The following OSBPL10 variants were observed in gnomAD, a reference collection of about 807,000 sequenced individuals.
The protein encoded by OSBPL10 is oxysterol binding protein like 10, also known as oxysterol-binding protein-related protein 10.
Under a neutral mutation model 81.7 loss-of-function variants are expected in OSBPL10, and 49 were observed. The ratio of observed to expected loss-of-function variants is 0.60; its 90% CI spans 0.48 to 0.76. The LOEUF is 0.76. OSBPL10 is among the 30% of genes least tolerant of loss of function. The probability of loss-of-function intolerance (pLI) is 0.00; values close to 1 mark genes in which losing one functional copy is unlikely to be tolerated. For missense variants in OSBPL10, 923 were observed against 987.8 expected (o/e 0.93, Z 0.88); for synonymous variants, 419 against 383.6 (o/e 1.09, Z -1.08).
intron 1 of OSBPL10, among the ~76,000 whole-genome samples, chr3:31,882,349 C>T (rs571314221): frequency 6.6e-6 from 1 of 152,156 alleles, no homozygotes; most frequent in African/African-American, 2.4e-5. Context: ...TAAACGAAGA[C>T]GCAAAAATGT....
chr3:32,043,787 T>C lies in OSBPL10; in HGVS notation n.298+2704A>G, dbSNP rs151254691. Among the ~76,000 whole-genome samples the C allele has an allele frequency of 6.2e-3, 947 of 152,324 alleles. 14 individuals carry two copies. The highest frequency in any genetic ancestry group is 0.022 in the African/African-American group (918 of 41,568). On this transcript the variant is annotated intron_variant and non_coding_transcript_variant, in intron 2 of 3. Transcript: ENST00000479173. ...GCAGCATGGATGCAGCTGGAGGCCA[T>C]TATCCTAAGTGAATTAATGTAGGAA...
intron 1 of OSBPL10, among the ~76,000 whole-genome samples, chr3:31,939,074 T>C (rs946461707): frequency 1.3e-5 from 2 of 151,588 alleles, no homozygotes; most frequent in African/African-American, 2.4e-5. Flanking sequence ...TTTGCTCTAC[T>C]ACATTAATGC....
At chr3:31,775,236 C>T (rs1173431566) in intron 4 of OSBPL10, among the ~76,000 whole-genome samples, 2 of 152,110 alleles carry the variant, frequency 1.3e-5, no homozygotes, top group African/African-American at 2.4e-5. Flanking sequence ...AAAGAGTTTG[C>T]CCCGTGAGTA....
chr3:31,737,205 A>C (rs1257976307), intron 5 of OSBPL10, among the ~76,000 whole-genome samples: 1 of 152,220 alleles, frequency 6.6e-6, no homozygotes, highest in African/African-American at 2.4e-5. Context: ...AAAGACGCCC[A>C]TCTCAGATCA....
At chr3:31,759,619 T>C (rs76737597) in intron 4 of OSBPL10, among the ~76,000 whole-genome samples, 4,219 of 152,256 alleles carry the variant, frequency 0.028, 87 homozygotes, top group Middle Eastern at 0.041. Flanking sequence ...AAGATCCCCA[T>C]ATAACTTTTG....
At chr3:32,018,187 TAAATA>T (rs1699332355) in intron 2 of OSBPL10, among the ~76,000 whole-genome samples, 2 of 137,210 alleles carry the variant, frequency 1.5e-5, no homozygotes, top group Admixed American at 7.4e-5. Flanking sequence ...AATAAATAAA[TAAATA>T]AAATGTCAAA....
At chr3:32,003,274 T>A (rs570092552) in intron 2 of OSBPL10, among the ~76,000 whole-genome samples, 1 of 152,330 alleles carries the variant, frequency 6.6e-6, no homozygotes, top group African/African-American at 2.4e-5. Flanking sequence ...GTGTTCTCTG[T>A]TCAGGGGAGA....
intron 1 of OSBPL10, among the ~76,000 whole-genome samples, chr3:31,980,340 GGAGGC>G (rs1698798552): frequency 6.6e-6 from 1 of 152,154 alleles, no homozygotes; most frequent in Non-Finnish European, 1.5e-5. Context: ...TACAAACATC[GGAGGC>G]TGCAAGGCAC....
At chr3:32,066,823 G>T (rs148067796) in intron 1 of OSBPL10, among the ~76,000 whole-genome samples, 1 of 152,100 alleles carries the variant, frequency 6.6e-6, no homozygotes, top group African/African-American at 2.4e-5. Context: ...TTTATGGGAG[G>T]TCATTGATTT....
intron 7 of OSBPL10, among the ~76,000 whole-genome samples, chr3:31,700,704 G>A (rs907624802): frequency 3.9e-5 from 6 of 152,146 alleles, no homozygotes; most frequent in African/African-American, 7.2e-5. Context: ...ACTTGTACAC[G>A]TTATCATCCA....
intron 2 of OSBPL10, among the ~76,000 whole-genome samples, chr3:31,877,199 C>T (rs562691602): frequency 6.6e-6 from 1 of 152,296 alleles, no homozygotes; most frequent in South Asian, 2.1e-4. Context: ...CCACTGCACC[C>T]GGCCTCAAAG....
At chr3:31,808,329 A>G (rs910205664) in intron 4 of OSBPL10, among the ~76,000 whole-genome samples, 4 of 152,216 alleles carry the variant, frequency 2.6e-5, no homozygotes, top group Non-Finnish European at 4.4e-5. Flanking sequence ...GGAAAGGCTC[A>G]CACTGACACT....
chr3:31,731,650 A>C (rs1220449507), intron 6 of OSBPL10, among the ~76,000 whole-genome samples: 2 of 151,832 alleles, frequency 1.3e-5, no homozygotes, highest in South Asian at 2.1e-4. Flanking sequence ...CACCACGCCC[A>C]GCTAATTTTT....
At chr3:31,965,901 T>A (rs1193374319) in intron 1 of OSBPL10, among the ~76,000 whole-genome samples, 1 of 105,424 alleles carries the variant, frequency 9.5e-6, no homozygotes, top group African/African-American at 3.7e-5. Flanking sequence ...ATATTATATA[T>A]TATATAAAAT....
chr3:31,870,875 A>G (rs1001522046), intron 3 of OSBPL10, among the ~76,000 whole-genome samples: 3 of 151,908 alleles, frequency 2.0e-5, no homozygotes, highest in Admixed American at 6.6e-5. Context: ...GTTTGTGAGT[A>G]CACCAATCGA....
intron 7 of OSBPL10, among the ~76,000 whole-genome samples, chr3:31,686,863 G>A (rs930123936): frequency 2.0e-5 from 3 of 152,124 alleles, no homozygotes; most frequent in African/African-American, 7.2e-5. Context: ...CTTCACTGGG[G>A]TCAGGCTGCT....
intron 2 of OSBPL10, among the ~76,000 whole-genome samples, chr3:32,019,548 G>A (rs978003050): frequency 2.6e-5 from 4 of 152,184 alleles, no homozygotes; most frequent in Admixed American, 2.6e-4. Flanking sequence ...CGGTGCCAAT[G>A]TTTAAGTAAA....
intron 6 of OSBPL10, chr3:31,707,139 G>T (rs1696096529): frequency 6.6e-6 from 1 of 152,196 alleles, no homozygotes; most frequent in African/African-American, 2.4e-5. Flanking sequence ...CATGGCAGAA[G>T]CCTGCGTGGT....
rs561867177 is a variant in OSBPL10, at chr3:31,767,756, C to T, written c.730-19636G>A. On this transcript the variant is annotated intron_variant, in intron 4 of 11. Transcript: ENST00000396556. ...TGCACCCTTCAGGCTCTGGGTCTAGCCTCAGACTTCAGATTTGTTTCTTCC... is the reference window on the plus strand; with the variant it reads ...TGCACCCTTCAGGCTCTGGGTCTAGTCTCAGACTTCAGATTTGTTTCTTCC... Among the ~76,000 whole-genome samples the T allele has an allele frequency of 2.2e-4, 33 of 152,248 alleles. No individual in the cohort carries two copies. The South Asian group carries it at 3.5e-3, about 16-fold the overall frequency.
Sources: allele counts gnomAD v4.1 joint callset (sites outside exome capture counted in the v4.1 genomes callset), GRCh38; gene constraint gnomAD v4.1.1; transcripts MANE v1.5; gene names NCBI Gene and HGNC (gene_info 2026-07-23, HGNC 2026-07-21).